The following CDK14 variants were observed in gnomAD, a reference collection of about 807,000 sequenced individuals.
CDK14 encodes cyclin-dependent kinase 14.
In CDK14, 34 loss-of-function variants were observed where a neutral mutation model predicts 60.7. The observed-to-expected ratio is 0.56, with a 90% CI of 0.43 to 0.75. CDK14 has a LOEUF of 0.75. Ranked by LOEUF, CDK14 falls within the 30% of genes least tolerant of loss-of-function variation. CDK14 has a pLI of 0.00. For synonymous variants in CDK14, 197 were observed against 203.7 expected, an observed-to-expected ratio of 0.97 and a Z score of 0.28; for missense variants, 482 against 564.1, an observed-to-expected ratio of 0.85 and a Z score of 1.47.
intron 14 of CDK14, among the ~76,000 whole-genome samples, chr7:91,120,424 T>A (rs1799746149): frequency 6.6e-6 from 1 of 152,224 alleles, no homozygotes. Flanking sequence ...CATATATTTT[T>A]TAAACTAGAT....
intron 11 of CDK14, among the ~76,000 whole-genome samples, chr7:91,069,679 T>TG (rs1798080433): frequency 2.0e-5 from 3 of 152,246 alleles, no homozygotes; most frequent in Non-Finnish European, 4.4e-5. Flanking sequence ...TACTGAAGGA[T>TG]GTATATGTGA....
chr7:90,597,815 G>A (rs966331182), intron 1 of CDK14, among the ~76,000 whole-genome samples: 5 of 148,606 alleles, frequency 3.4e-5, no homozygotes, highest in African/African-American at 1.2e-4. Flanking sequence ...AGAGTACAAT[G>A]GATCGAAATT....
intron 8 of CDK14, among the ~76,000 whole-genome samples, chr7:90,935,276 A>G (rs1427252022): frequency 6.6e-6 from 1 of 152,242 alleles, no homozygotes; most frequent in African/African-American, 2.4e-5. Flanking sequence ...TAATACTACT[A>G]AAATGGCAAG....
intron 14 of CDK14, among the ~76,000 whole-genome samples, chr7:91,191,693 G>C (rs1414720579): frequency 6.6e-6 from 1 of 152,024 alleles, no homozygotes; most frequent in Non-Finnish European, 1.5e-5. Flanking sequence ...AAGGGGAAAT[G>C]TGAAGCTTCA....
At chr7:91,031,393 CT>C (rs1484926677) in intron 10 of CDK14, among the ~76,000 whole-genome samples, 1 of 151,560 alleles carries the variant, frequency 6.6e-6, no homozygotes, top group Non-Finnish European at 1.5e-5. Context: ...TTGGACGAAT[CT>C]TAGCAATGTA....
At chr7:90,988,209 G>T (rs1431505536) in intron 10 of CDK14, among the ~76,000 whole-genome samples, 2 of 152,016 alleles carry the variant, frequency 1.3e-5, no homozygotes, top group Non-Finnish European at 2.9e-5. Flanking sequence ...AACAAGTTCA[G>T]TGAATTCATT....
intron 4 of CDK14, among the ~76,000 whole-genome samples, chr7:90,775,026 T>C (rs2116906078): frequency 6.6e-6 from 1 of 152,352 alleles, no homozygotes; most frequent in South Asian, 2.1e-4. Flanking sequence ...CTCATTTCAC[T>C]GCTTTGGAGA....
At chr7:91,040,801 G>C (rs1321962303) in intron 10 of CDK14, among the ~76,000 whole-genome samples, 1 of 152,186 alleles carries the variant, frequency 6.6e-6, no homozygotes, top group Non-Finnish European at 1.5e-5. Context: ...TCAGGGAAAA[G>C]CCCATGGACT....
chr7:90,659,895 G>A lies in CDK14; in HGVS notation c.123+55646G>A, dbSNP rs1584775841. Among the ~76,000 whole-genome samples, 4 of 148,388 alleles carry A rather than the reference G, an allele frequency of 2.7e-5. No homozygotes were observed. In the Admixed American group the frequency reaches 2.8e-4, roughly 10 times the overall value. ...TCTCTCTGTGTGTGTGTGTGTGTGT[G>A]TGTGTGCACGCACGTGCTCATGGGT... On this transcript the variant is annotated intron_variant, in intron 2 of 14. Transcript: ENST00000380050.
chr7:91,022,337 T>C (rs1414945650), intron 10 of CDK14, among the ~76,000 whole-genome samples: 1 of 152,260 alleles, frequency 6.6e-6, no homozygotes, highest in East Asian at 1.9e-4. Flanking sequence ...ACTATTGACC[T>C]TTTGAGCTGG....
intron 14 of CDK14, among the ~76,000 whole-genome samples, chr7:91,161,178 G>A (rs1584146607): frequency 6.6e-6 from 1 of 152,160 alleles, no homozygotes; most frequent in African/African-American, 2.4e-5. Context: ...TCTGGGTCTG[G>A]ACGGGTTGAT....
At chr7:90,598,999 C>T (rs1007963040) in intron 1 of CDK14, among the ~76,000 whole-genome samples, 32 of 152,158 alleles carry the variant, frequency 2.1e-4, no homozygotes, top group African/African-American at 1.7e-4. Flanking sequence ...CCACCGCGCC[C>T]GGCCTATCTA....
chr7:91,088,243 T>TG (rs1211155947), intron 12 of CDK14, among the ~76,000 whole-genome samples: 1 of 152,310 alleles, frequency 6.6e-6, no homozygotes, highest in East Asian at 1.9e-4. Flanking sequence ...ATATCTGTTG[T>TG]GGTGAGGAAA....
At chr7:91,127,817 A>G (rs1799999164) in intron 14 of CDK14, among the ~76,000 whole-genome samples, 2 of 152,212 alleles carry the variant, frequency 1.3e-5, no homozygotes, top group South Asian at 2.1e-4. Flanking sequence ...GAGGAAATTA[A>G]TCTGCAGTTT....
chr7:90,872,258 A>G (rs902106017), intron 6 of CDK14, among the ~76,000 whole-genome samples: 10 of 152,206 alleles, frequency 6.6e-5, no homozygotes, highest in East Asian at 1.9e-4. Context: ...GATTTGTCTC[A>G]TAGGCTTTTC....
intron 2 of CDK14, among the ~76,000 whole-genome samples, chr7:90,694,109 T>C (rs984172661): frequency 6.6e-6 from 1 of 152,180 alleles, no homozygotes; most frequent in African/African-American, 2.4e-5. Flanking sequence ...GTAGAGAGCT[T>C]ACCTTTTATT....
At chr7:90,746,370 C>T (rs978482212) in intron 3 of CDK14, among the ~76,000 whole-genome samples, 10 of 152,030 alleles carry the variant, frequency 6.6e-5, no homozygotes, top group African/African-American at 1.9e-4. Context: ...GAATCATTGC[C>T]CACATATTGT....
chr7:90,941,412 G>C, intron 8 of CDK14, among the ~76,000 whole-genome samples: 1 of 152,106 alleles, frequency 6.6e-6, no homozygotes, highest in East Asian at 1.9e-4. Context: ...CCAGGACATT[G>C]GGGCTCCTCA....
intron 2 of CDK14, among the ~76,000 whole-genome samples, chr7:90,639,159 A>T (rs9641070): frequency 0.31 from 47,030 of 151,850 alleles, 8,205 homozygotes; most frequent in East Asian, 0.67. Flanking sequence ...TCCAGCTTTG[A>T]TCTGTTGCTG....
Sources: allele counts gnomAD v4.1 joint callset (sites outside exome capture counted in the v4.1 genomes callset), GRCh38; gene constraint gnomAD v4.1.1; transcripts MANE v1.5; gene names NCBI Gene and HGNC (gene_info 2026-07-23, HGNC 2026-07-21).